GRM3: variants seen among roughly 807,000 people sequenced by gnomAD.
GRM3 encodes the protein metabotropic glutamate receptor 3.
In GRM3, 26 loss-of-function variants were observed where a neutral mutation model predicts 70.5. The observed-to-expected ratio is 0.37, with a 90% CI of 0.27 to 0.51. The LOEUF (loss-of-function observed/expected upper bound fraction) is 0.51. Among genes scored for constraint, GRM3 ranks in the 20% least tolerant of loss-of-function variants. The pLI is 0.93. For missense variants in GRM3, 859 were observed against 1,123.8 expected, an observed-to-expected ratio of 0.76 and a Z score of 3.37; for synonymous variants, 443 against 434.9, an observed-to-expected ratio of 1.02 and a Z score of -0.23.
At chr7:86,704,942 C>T (rs531157736) in intron 1 of GRM3, among the ~76,000 whole-genome samples, 1 of 151,770 alleles carries the variant, frequency 6.6e-6, no homozygotes, top group Non-Finnish European at 1.5e-5. Context: ...TCAATGTTAA[C>T]TATGAACTAA....
At chr7:86,824,296 T>G (rs1046607186) in intron 3 of GRM3, among the ~76,000 whole-genome samples, 2 of 152,196 alleles carry the variant, frequency 1.3e-5, no homozygotes, top group Non-Finnish European at 2.9e-5. Context: ...GGCTAAAACT[T>G]GATCTAAGAA....
chr7:86,854,858 G>C (rs1231962484), intron 5 of GRM3, among the ~76,000 whole-genome samples: 4 of 152,186 alleles, frequency 2.6e-5, no homozygotes, highest in African/African-American at 9.7e-5. Flanking sequence ...GAGAGGGAGT[G>C]ACATTCTGAA....
intron 2 of GRM3, among the ~76,000 whole-genome samples, chr7:86,785,685 A>ATTTTTTTTTTTTTTTTTTTTTT (rs749456155): frequency 9.2e-5 from 6 of 65,232 alleles, no homozygotes; most frequent in Non-Finnish European, 1.1e-4. Context: ...AATAGAATTG[A>ATTTTTTTTTTTTTTTTTTTTTT]TTTTTTTTTT....
chr7:86,731,466 A>G (rs1389588509), intron 1 of GRM3, among the ~76,000 whole-genome samples: 1 of 152,198 alleles, frequency 6.6e-6, no homozygotes, highest in Non-Finnish European at 1.5e-5. Context: ...CTCTATGAAA[A>G]TAACAATATT....
intron 1 of GRM3, among the ~76,000 whole-genome samples, chr7:86,738,610 CT>C (rs1214269509): frequency 6.6e-6 from 1 of 152,138 alleles, no homozygotes; most frequent in Non-Finnish European, 1.5e-5. Context: ...AGATCACACA[CT>C]TTATGAATAT....
chr7:86,852,730 G>A (rs1009970962), intron 5 of GRM3, among the ~76,000 whole-genome samples: 3 of 152,118 alleles, frequency 2.0e-5, no homozygotes, highest in East Asian at 3.9e-4. Flanking sequence ...GCATTTTAAC[G>A]TGCATAAGTA....
chr7:86,764,294 T>C (rs1363099585), intron 1 of GRM3, among the ~76,000 whole-genome samples: 1 of 152,116 alleles, frequency 6.6e-6, no homozygotes, highest in Non-Finnish European at 1.5e-5. Flanking sequence ...TGAAGCATGA[T>C]AACAGAAACC....
rs181882970 is a variant in GRM3, at chr7:86,834,107, A to G, written c.1325-4732A>G. Among the ~76,000 whole-genome samples, 3 of 152,256 alleles carry G rather than the reference A, an allele frequency of 2.0e-5. No homozygotes were observed. In the East Asian group the frequency reaches 5.8e-4, roughly 29 times the overall value. On this transcript the variant is annotated intron_variant, in intron 3 of 5. Transcript: ENST00000361669. Reference sequence around the variant, plus strand: ...GACCTTGCTTAATTATCTTTATACTATTTTAACTTTATAATTTCTTTTTTA... The same window carrying G: ...GACCTTGCTTAATTATCTTTATACTGTTTTAACTTTATAATTTCTTTTTTA...
At chr7:86,677,253 T>G (rs368988739) in intron 1 of GRM3, among the ~76,000 whole-genome samples, 2 of 152,022 alleles carry the variant, frequency 1.3e-5, no homozygotes, top group East Asian at 3.9e-4. Flanking sequence ...ACTAATCCAC[T>G]TGGCACCTTG....
intron 1 of GRM3, among the ~76,000 whole-genome samples, chr7:86,667,369 C>A (rs765817916): frequency 6.6e-6 from 1 of 151,996 alleles, no homozygotes; most frequent in African/African-American, 2.4e-5. Context: ...TTAAGAAATA[C>A]CAGTGTATAT....
At chr7:86,655,615 C>A (rs1317098153) in intron 1 of GRM3, among the ~76,000 whole-genome samples, 2 of 152,096 alleles carry the variant, frequency 1.3e-5, no homozygotes, top group African/African-American at 2.4e-5. Flanking sequence ...CTATCCCCAG[C>A]AGGAGCCTCT....
intron 1 of GRM3, among the ~76,000 whole-genome samples, chr7:86,716,523 T>C (rs76670241): frequency 0.031 from 4,656 of 151,860 alleles, 89 homozygotes; most frequent in East Asian, 0.063. Flanking sequence ...CAAGATATCC[T>C]AATATCCTTA....
At chr7:86,691,188 A>G (rs1299969028) in intron 1 of GRM3, among the ~76,000 whole-genome samples, 1 of 152,058 alleles carries the variant, frequency 6.6e-6, no homozygotes, top group Non-Finnish European at 1.5e-5. Context: ...AATCTAAATA[A>G]TTTTCATAAT....
intron 5 of GRM3, among the ~76,000 whole-genome samples, chr7:86,862,193 C>T (rs1798973720): frequency 6.6e-6 from 1 of 152,078 alleles, no homozygotes; most frequent in African/African-American, 2.4e-5. Flanking sequence ...TAAACGTACA[C>T]ACAAAGATGT....
At chr7:86,733,181 G>T (rs1795777174) in intron 1 of GRM3, among the ~76,000 whole-genome samples, 2 of 151,960 alleles carry the variant, frequency 1.3e-5, no homozygotes, top group Non-Finnish European at 2.9e-5. Flanking sequence ...AAGCATGCTG[G>T]CAGGCATCTG....
chr7:86,863,843 A>G (rs1411203428), intron 5 of GRM3, among the ~76,000 whole-genome samples: 2 of 152,192 alleles, frequency 1.3e-5, no homozygotes, highest in African/African-American at 4.8e-5. Flanking sequence ...GACTTCCTTC[A>G]ACAATGATTA....
chr7:86,717,895 A>G (rs993642061), intron 1 of GRM3, among the ~76,000 whole-genome samples: 4 of 151,910 alleles, frequency 2.6e-5, no homozygotes, highest in Admixed American at 6.6e-5. Flanking sequence ...AACATTGTGC[A>G]TACCATCTCC....
intron 1 of GRM3, among the ~76,000 whole-genome samples, chr7:86,658,117 T>C (rs1793793775): frequency 6.6e-6 from 1 of 152,204 alleles, no homozygotes; most frequent in South Asian, 2.1e-4. Context: ...TAAGCCAACA[T>C]AGTCTCTCTC....
chr7:86,749,786 G>A (rs947237402), intron 1 of GRM3, among the ~76,000 whole-genome samples: 3 of 152,082 alleles, frequency 2.0e-5, no homozygotes, highest in Admixed American at 2.0e-4. Flanking sequence ...GAGGTGCCTA[G>A]ATTGTCACAT....
Sources: gnomAD v4.1 joint callset for allele counts (sites outside exome capture counted in the v4.1 genomes callset) on GRCh38, gnomAD v4.1.1 for gene constraint, MANE v1.5 for transcripts, NCBI Gene and HGNC (gene_info 2026-07-23, HGNC 2026-07-21) for gene names.